The following CCNY variants were observed in gnomAD, a reference collection of about 807,000 sequenced individuals.
CCNY encodes cyclin Y.
Under a neutral mutation model 42.8 loss-of-function variants are expected in CCNY, and 19 were observed. That is an observed-to-expected ratio of 0.44 (90% CI 0.31 to 0.65). The LOEUF (loss-of-function observed/expected upper bound fraction) is 0.65. Among genes scored for constraint, CCNY ranks in the 30% least tolerant of loss-of-function variants. The pLI, the probability that CCNY is intolerant of heterozygous loss-of-function variation, is 0.07. For missense variants in CCNY, 370 were observed against 437.3 expected (o/e 0.85, Z 1.37); for synonymous variants, 165 against 162.7 (o/e 1.01, Z -0.11).
chr10:35,301,803 T>C (rs961805341), intron 3 of CCNY, among the ~76,000 whole-genome samples: 3 of 151,844 alleles, frequency 2.0e-5, no homozygotes, highest in Non-Finnish European at 2.9e-5. Flanking sequence ...CCTAGCTAAT[T>C]TTTGTATTTT....
chr10:35,465,645 C>G (rs901158281), intron 1 of CCNY, among the ~76,000 whole-genome samples: 13 of 152,116 alleles, frequency 8.5e-5, no homozygotes, highest in Non-Finnish European at 1.5e-5. Context: ...TCTTGCCTTG[C>G]GTGTCTACTG....
chr10:35,323,660 A>T (rs1835846926), intron 3 of CCNY, among the ~76,000 whole-genome samples: 1 of 152,174 alleles, frequency 6.6e-6, no homozygotes, highest in South Asian at 2.1e-4. Flanking sequence ...TTTTGGGGTG[A>T]TGGAAATGTT....
chr10:35,410,100 T>A (rs73266737), intron 1 of CCNY, among the ~76,000 whole-genome samples: 6 of 152,112 alleles, frequency 3.9e-5, no homozygotes, highest in Non-Finnish European at 8.8e-5. Flanking sequence ...AGGAAAAATA[T>A]CAACCTTGTC....
intron 1 of CCNY, among the ~76,000 whole-genome samples, chr10:35,448,485 A>G (rs1838841032): frequency 6.6e-6 from 1 of 152,172 alleles, no homozygotes; most frequent in Non-Finnish European, 1.5e-5. Context: ...TACTAAATAA[A>G]TTGGCATGTG....
intron 3 of CCNY, among the ~76,000 whole-genome samples, chr10:35,504,877 T>A (rs993616889): frequency 4.6e-5 from 7 of 152,154 alleles, no homozygotes; most frequent in African/African-American, 1.7e-4. Context: ...CCTCAGGTGA[T>A]CCACCCGCCT....
intron 3 of CCNY, chr10:35,315,505 G>A (rs1263210710): frequency 6.6e-6 from 1 of 152,138 alleles, no homozygotes; most frequent in African/African-American, 2.4e-5. Flanking sequence ...TCTTTATCCA[G>A]TCTACTGTTG....
In CCNY at chr10:35,326,954, A is replaced by G. The variant is rs1028723425; in HGVS notation, c.-9+76328A>G. Reference sequence around the variant, plus strand: ...TGTCTCCTCGTCCTCCTGGTCTTATAACCACGTATGAAGTGTCTTCCTGCC... The same window carrying G: ...TGTCTCCTCGTCCTCCTGGTCTTATGACCACGTATGAAGTGTCTTCCTGCC... On this transcript the variant is annotated intron_variant, in intron 3 of 11. Transcript: ENST00000374706. Among the ~76,000 whole-genome samples, 31 of 152,172 alleles carry G rather than the reference A, an allele frequency of 2.0e-4. 1 individual carries two copies. Among genetic ancestry groups the G allele is most frequent in the South Asian group, 2.1e-4 (1 of 4,826 alleles).
At chr10:35,275,446 G>A (rs1835226851) in intron 3 of CCNY, among the ~76,000 whole-genome samples, 1 of 152,046 alleles carries the variant, frequency 6.6e-6, no homozygotes, top group African/African-American at 2.4e-5. Context: ...TCACTTTGCA[G>A]GTGGGGATTT....
intron 1 of CCNY, among the ~76,000 whole-genome samples, chr10:35,361,629 T>C (rs1836688699): frequency 6.6e-6 from 1 of 152,240 alleles, no homozygotes; most frequent in Non-Finnish European, 1.5e-5. Flanking sequence ...TGATTAACTT[T>C]TAATATGGGT....
intron 7 of CCNY, among the ~76,000 whole-genome samples, chr10:35,532,370 A>G (rs574576294): frequency 3.9e-4 from 59 of 152,328 alleles, no homozygotes; most frequent in African/African-American, 1.3e-3. Context: ...TCAGCAGGCA[A>G]TGGAGGAGGA....
intron 2 of CCNY, among the ~76,000 whole-genome samples, chr10:35,492,220 C>T (rs1455086333): frequency 6.6e-6 from 1 of 152,234 alleles, no homozygotes; most frequent in East Asian, 1.9e-4. Flanking sequence ...CACCAGCACA[C>T]ACACAGAGCC....
intron 3 of CCNY, among the ~76,000 whole-genome samples, chr10:35,325,761 C>A (rs552476272): frequency 2.0e-5 from 3 of 152,176 alleles, no homozygotes; most frequent in Non-Finnish European, 4.4e-5. Context: ...TGAGTCACTG[C>A]GCTTGGCCCC....
chr10:35,489,591 C>A (rs1345300177), intron 2 of CCNY, among the ~76,000 whole-genome samples: 1 of 152,012 alleles, frequency 6.6e-6, no homozygotes, highest in Non-Finnish European at 1.5e-5. Flanking sequence ...TGCTGAGGAA[C>A]TTTGTTCATC....
intron 1 of CCNY, among the ~76,000 whole-genome samples, chr10:35,465,349 C>A (rs1004177445): frequency 1.3e-5 from 2 of 152,088 alleles, no homozygotes; most frequent in East Asian, 3.9e-4. Context: ...CTCTGATCGT[C>A]CTAGGACCCA....
chr10:35,460,151 G>A (rs7916215), intron 1 of CCNY, among the ~76,000 whole-genome samples: 3,479 of 152,238 alleles, frequency 0.023, 128 homozygotes, highest in African/African-American at 0.079. Flanking sequence ...TGATATCCCT[G>A]ACCTAGTGTC....
rs146599629 is a variant in CCNY, at chr10:35,433,532, T to A, written c.155-49872T>A. On this transcript the variant is annotated intron_variant, in intron 1 of 9. Coordinates refer to ENST00000374704, the MANE Select transcript of CCNY (RefSeq NM_145012.6). ...TTCCAAAGTAGAAAAATTAGATATG[T>A]TAGTTATTGTAAATAAAAAGATAAA... 7.0e-3 allele frequency among the ~76,000 whole-genome samples: 1,071 copies of A among 152,256 alleles called. 11 individuals are homozygous for A. Among genetic ancestry groups the A allele is most frequent in the African/African-American group, 0.025 (1,023 of 41,574 alleles).
intron 2 of CCNY, among the ~76,000 whole-genome samples, chr10:35,486,097 A>G (rs1839783328): frequency 6.6e-6 from 1 of 152,202 alleles, no homozygotes; most frequent in Non-Finnish European, 1.5e-5. Context: ...AGTATGTCCC[A>G]GACAGAACTT....
intron 3 of CCNY, among the ~76,000 whole-genome samples, chr10:35,256,600 C>T (rs1445268099): frequency 6.6e-6 from 1 of 151,784 alleles, no homozygotes; most frequent in African/African-American, 2.4e-5. Flanking sequence ...GGTGTGGTGG[C>T]GGGTGCCTGT....
rs1015493050 is a variant in CCNY at position 35,314,046 on chromosome 10, GT to G, written c.-9+63424del. 2.2e-5 allele frequency among the ~76,000 whole-genome samples: 3 copies of G among 134,526 alleles called. No individual in the cohort carries two copies. In the Admixed American group the frequency reaches 2.3e-4, roughly 10 times the overall value. The allele number at this position is 134,526 out of a possible 152,430, so 88.3% of individuals were successfully genotyped here. ...TGTGGGGCTGGAAACATTTAATTTTGTTTTCTGATTATGAAACATTCATCTT... is the reference window on the plus strand; with the variant it reads ...TGTGGGGCTGGAAACATTTAATTTTGTTTCTGATTATGAAACATTCATCTT... On this transcript the variant is annotated intron_variant, in intron 3 of 11. Transcript: ENST00000374706.
Sources: gnomAD v4.1 joint callset for allele counts (sites outside exome capture counted in the v4.1 genomes callset) on GRCh38, gnomAD v4.1.1 for gene constraint, MANE v1.5 for transcripts, NCBI Gene and HGNC (gene_info 2026-07-23, HGNC 2026-07-21) for gene names.